MSRA: variants seen among roughly 807,000 people sequenced by gnomAD.
The protein encoded by MSRA is mitochondrial peptide methionine sulfoxide reductase.
A neutral mutation model predicts 31.3 loss-of-function variants in MSRA; 54 were observed. That is an observed-to-expected ratio of 1.73 (90% CI 1.39 to 2.17). MSRA has a LOEUF of 2.17. Among genes scored for constraint, MSRA ranks in the 30% most tolerant of loss-of-function variants. The pLI is 0.00. For missense variants in MSRA, 507 were observed against 300.9 expected (o/e 1.69, Z -5.07); for synonymous variants, 169 against 116.5 (o/e 1.45, Z -2.90).
chr8:10,134,658 C>T (rs1345305441), intron 1 of MSRA, among the ~76,000 whole-genome samples: 1 of 152,206 alleles, frequency 6.6e-6, no homozygotes, highest in Non-Finnish European at 1.5e-5. Context: ...CGCCTCGTAT[C>T]AGAACTCGGA....
chr8:10,154,275 CGGCAG>C (rs200943511), intron 1 of MSRA, among the ~76,000 whole-genome samples: 33,903 of 151,734 alleles, frequency 0.22, 4,362 homozygotes, highest in East Asian at 0.49. Flanking sequence ...ACCAAGGTTA[CGGCAG>C]GGCAGGGGTG....
chr8:10,251,093 G>T (rs1797892419), intron 3 of MSRA, among the ~76,000 whole-genome samples: 2 of 152,182 alleles, frequency 1.3e-5, no homozygotes, highest in South Asian at 4.2e-4. Context: ...TTCTTAGGAG[G>T]TCAGGTCATG....
chr8:10,361,637 G>A (rs1423068745), intron 5 of MSRA, among the ~76,000 whole-genome samples: 2 of 152,146 alleles, frequency 1.3e-5, no homozygotes, highest in African/African-American at 4.8e-5. Context: ...GGCCTCTTAA[G>A]ATGCTTGCCT....
chr8:10,104,080 T>C (rs1799711448), intron 1 of MSRA, among the ~76,000 whole-genome samples: 1 of 152,218 alleles, frequency 6.6e-6, no homozygotes, highest in Admixed American at 6.5e-5. Flanking sequence ...GGTATGAGGC[T>C]GTAGAGTGTC....
At position 10,428,778 on chromosome 8, in the gene MSRA, T is replaced by G. The variant is rs973744651; in HGVS notation, c.*466T>G. The G allele has an allele frequency of 5.7e-6, 1 of 175,958 alleles. No individual in the cohort carries two copies. Among genetic ancestry groups the G allele is most frequent in the Non-Finnish European group, 1.2e-5 (1 of 85,314 alleles). The allele number at this position is 175,958 out of a possible 1,614,324, so 10.9% of individuals were successfully genotyped here. ...TACATAAGGGGCTTTCTCTCCCTTT[T>G]CAGCCCTCTCTGTGCAGAGAAAAGA... On this transcript the variant is annotated 3_prime_UTR_variant, in exon 6 of 6. Transcript: ENST00000317173.
intron 2 of MSRA, among the ~76,000 whole-genome samples, chr8:10,235,015 T>C (rs892838469): frequency 2.0e-5 from 3 of 152,074 alleles, no homozygotes; most frequent in African/African-American, 7.2e-5. Context: ...ATGTCTCAAT[T>C]TGCCAGAAAA....
chr8:10,344,839 T>A (rs1157771070), intron 5 of MSRA, among the ~76,000 whole-genome samples: 1 of 152,184 alleles, frequency 6.6e-6, no homozygotes, highest in African/African-American at 2.4e-5. Context: ...TATTTATTCT[T>A]CCTTAGTGTG....
intron 1 of MSRA, among the ~76,000 whole-genome samples, chr8:10,055,023 C>T (rs767511086): frequency 6.6e-6 from 1 of 152,228 alleles, no homozygotes; most frequent in Non-Finnish European, 1.5e-5. Flanking sequence ...TGCCTGCGCC[C>T]TCCTTTCTTG....
chr8:10,294,238 A>G (rs1800407508), intron 3 of MSRA, among the ~76,000 whole-genome samples: 2 of 152,144 alleles, frequency 1.3e-5, no homozygotes, highest in Non-Finnish European at 2.9e-5. Flanking sequence ...AAAAAGAATC[A>G]TTTTGGGAAA....
chr8:10,419,836 A>T (rs973376790), intron 5 of MSRA, among the ~76,000 whole-genome samples: 1 of 152,210 alleles, frequency 6.6e-6, no homozygotes, highest in Non-Finnish European at 1.5e-5. Flanking sequence ...TAATGGCATC[A>T]TGGCCACTGG....
intron 1 of MSRA, among the ~76,000 whole-genome samples, chr8:10,187,995 G>T (rs1807197162): frequency 6.6e-6 from 1 of 152,146 alleles, no homozygotes; most frequent in Non-Finnish European, 1.5e-5. Flanking sequence ...TTGAGTATTT[G>T]TAAGTTCACC....
intron 1 of MSRA, among the ~76,000 whole-genome samples, chr8:10,160,712 TAG>T (rs1185034192): frequency 1.3e-5 from 2 of 152,070 alleles, no homozygotes; most frequent in African/African-American, 4.8e-5. Flanking sequence ...GTATTTTTAG[TAG>T]AGACAGGATT....
intron 1 of MSRA, among the ~76,000 whole-genome samples, chr8:10,123,472 G>T (rs1259453580): frequency 2.0e-5 from 3 of 152,150 alleles, no homozygotes; most frequent in African/African-American, 7.2e-5. Flanking sequence ...TAGGTTGTCT[G>T]TTTACTCTGT....
intron 1 of MSRA, among the ~76,000 whole-genome samples, chr8:10,188,491 G>T (rs1312526398): frequency 1.3e-5 from 2 of 152,204 alleles, no homozygotes; most frequent in African/African-American, 2.4e-5. Flanking sequence ...TACGGATTTC[G>T]AGTGAATGAA....
At chr8:10,144,301 C>T (rs535459956) in intron 1 of MSRA, among the ~76,000 whole-genome samples, 1 of 152,150 alleles carries the variant, frequency 6.6e-6, no homozygotes, top group African/African-American at 2.4e-5. Flanking sequence ...GCCAGTCTGC[C>T]TGGGTTCAGT....
At chr8:10,341,040 C>G (rs148575934) in intron 5 of MSRA, among the ~76,000 whole-genome samples, 3 of 152,180 alleles carry the variant, frequency 2.0e-5, no homozygotes, top group African/African-American at 7.2e-5. Context: ...GAGAGGTTGA[C>G]TATTTGTAGG....
chr8:10,247,941 C>G (rs1425871335), intron 3 of MSRA, among the ~76,000 whole-genome samples: 1 of 151,990 alleles, frequency 6.6e-6, no homozygotes, highest in Non-Finnish European at 1.5e-5. Flanking sequence ...TGGTAACTAG[C>G]TAATTAAAGA....
intron 3 of MSRA, among the ~76,000 whole-genome samples, chr8:10,250,024 CT>C (rs1456699290): frequency 6.6e-6 from 1 of 152,206 alleles, no homozygotes; most frequent in Non-Finnish European, 1.5e-5. Context: ...TAGTTCCTGT[CT>C]TCCAGAATTT....
intron 1 of MSRA, among the ~76,000 whole-genome samples, chr8:10,134,971 G>T (rs896854246): frequency 6.6e-6 from 1 of 152,150 alleles, no homozygotes; most frequent in Admixed American, 6.5e-5. Flanking sequence ...GGGAACCAAC[G>T]GAGGAATGTG....
Sources: allele counts gnomAD v4.1 joint callset (sites outside exome capture counted in the v4.1 genomes callset), GRCh38; gene constraint gnomAD v4.1.1; transcripts MANE v1.5; gene names NCBI Gene and HGNC (gene_info 2026-07-23, HGNC 2026-07-21).